Variants in PWWP3B observed in about 807,000 individuals in gnomAD.
PWWP3B encodes PWWP domain containing 3B.
In PWWP3B, 5 loss-of-function variants were observed where a neutral mutation model predicts 15.7. The ratio of observed to expected loss-of-function variants is 0.32; its 90% CI spans 0.17 to 0.67. PWWP3B has a LOEUF of 0.67. PWWP3B is among the 30% of genes least tolerant of loss of function. PWWP3B has a pLI of 0.74. For missense variants in PWWP3B, 519 were observed against 493.1 expected (o/e 1.05, Z -0.50); for synonymous variants, 203 against 179.8 (o/e 1.13, Z -1.03).
intron 2 of PWWP3B, among the ~76,000 whole-genome samples, chrX:106,190,406 G>A (rs1487462955): frequency 9.0e-6 from 1 of 111,403 alleles, no homozygotes; most frequent in Non-Finnish European, 1.9e-5. Context: ...TTTTTTTCTT[G>A]TAAATTTGTT....
At chrX:106,191,697 T>G (rs1458242326) in intron 2 of PWWP3B, among the ~76,000 whole-genome samples, 2 of 111,354 alleles carry the variant, frequency 1.8e-5, no homozygotes, top group African/African-American at 6.6e-5. Context: ...TAGCTCTTAT[T>G]ATTTTGAGAT....
intron 2 of PWWP3B, among the ~76,000 whole-genome samples, chrX:106,191,805 G>T (rs1170172238): frequency 9.0e-6 from 1 of 111,573 alleles, no homozygotes; most frequent in East Asian, 2.8e-4. Context: ...TAATCATGTG[G>T]TTTTTGTCTT....
intron 2 of PWWP3B, among the ~76,000 whole-genome samples, chrX:106,203,321 T>C (rs1236978690): frequency 1.8e-5 from 2 of 112,060 alleles, no homozygotes; most frequent in African/African-American, 6.5e-5. Context: ...GAAGACATTA[T>C]GATCTGGTTA....
rs762690006 is a variant in PWWP3B, at chrX:106,183,654, AC to A, written c.-401+12517del. Among the ~76,000 whole-genome samples the A allele has an allele frequency of 2.7e-5, 3 of 112,486 alleles. No individual in the cohort carries two copies. The South Asian group carries it at 1.1e-3, about 42-fold the overall frequency. On this transcript the variant is annotated intron_variant, in intron 2 of 3. Transcript: ENST00000357175. ...TTACAAATGAGGAGGTGGGAGAAAT[AC>A]CTGGTTACAGGCTGTCCCAGGATTC...
chrX:106,176,625 A>C (rs2147586872), intron 2 of PWWP3B, among the ~76,000 whole-genome samples: 1 of 112,559 alleles, frequency 8.9e-6, no homozygotes, highest in African/African-American at 3.2e-5. Flanking sequence ...TTTTGCGTTG[A>C]AAACAGTTTT....
intron 2 of PWWP3B, among the ~76,000 whole-genome samples, chrX:106,171,914 C>G (rs1296996862): frequency 1.8e-5 from 2 of 110,997 alleles, no homozygotes; most frequent in Non-Finnish European, 3.8e-5. Context: ...AAGACCTGCT[C>G]TGTGCCTATT....
chrX:106,179,038 T>C (rs1279911341), intron 2 of PWWP3B, among the ~76,000 whole-genome samples: 2 of 112,040 alleles, frequency 1.8e-5, no homozygotes, highest in Non-Finnish European at 3.8e-5. Flanking sequence ...TAGTAACAGT[T>C]CTGTTTCTCG....
At chrX:106,188,789 T>G (rs1922681405) in intron 2 of PWWP3B, among the ~76,000 whole-genome samples, 1 of 112,580 alleles carries the variant, frequency 8.9e-6, no homozygotes, top group Non-Finnish European at 1.9e-5. Context: ...ACTTCTGGCT[T>G]CTTTCACTTA....
At chrX:106,187,708 G>T (rs191979555) in intron 2 of PWWP3B, among the ~76,000 whole-genome samples, 1 of 111,613 alleles carries the variant, frequency 9.0e-6, no homozygotes, top group East Asian at 2.8e-4. Context: ...GTTGTTACTT[G>T]TCTGTGCTTC....
chrX:106,177,245 C>T (rs1264338200), intron 2 of PWWP3B: 1 of 112,597 alleles, frequency 8.9e-6, no homozygotes, highest in East Asian at 2.8e-4. Context: ...CTTGCTATTC[C>T]CATCACTGGG....
chrX:106,175,286 G>T (rs752615887), intron 2 of PWWP3B, among the ~76,000 whole-genome samples: 36 of 92,645 alleles, frequency 3.9e-4, no homozygotes, highest in African/African-American at 1.3e-3. Context: ...TGTCGCCCAG[G>T]CTGGAGTGCA....
At chrX:106,175,399 C>T (rs1393806325) in intron 2 of PWWP3B, among the ~76,000 whole-genome samples, 2 of 108,368 alleles carry the variant, frequency 1.8e-5, no homozygotes, top group South Asian at 8.5e-4. Flanking sequence ...AGCCACCGCC[C>T]CCTGCTGATT....
Position 106,205,539 on chromosome X carries a change from C to A in PWWP3B, c.107C>A (p.Ser36Tyr), listed in dbSNP as rs752616507. Residue 36 changes from serine to tyrosine, a missense_variant, in exon 4 of 4, where the codon TCT becomes TAT. Ser to Tyr is a moderately radical substitution (Grantham distance 144). Coordinates refer to ENST00000357175, the MANE Select transcript of PWWP3B (RefSeq NM_001171020.2). ...SSNSKRKKAF[S>Y]LEVQILSLDE... is the part of the protein sequence containing the mutation. ...AACAGTAAGAGGAAAAAGGCATTTT[C>A]TCTAGAAGTTCAAATACTCTCACTA... The A allele has an allele frequency of 8.3e-7, 1 of 1,204,559 alleles. No homozygotes were observed. Among genetic ancestry groups the A allele is most frequent in the Non-Finnish European group, 1.1e-6 (1 of 891,757 alleles).
At chrX:106,198,647 T>C (rs1367306536) in intron 2 of PWWP3B, among the ~76,000 whole-genome samples, 1 of 111,901 alleles carries the variant, frequency 8.9e-6, no homozygotes, top group Non-Finnish European at 1.9e-5. Context: ...AGTATTAGCA[T>C]TTGCTATTAT....
intron 2 of PWWP3B, among the ~76,000 whole-genome samples, chrX:106,194,352 A>G (rs1275659561): frequency 9.0e-6 from 1 of 111,413 alleles, no homozygotes; most frequent in Non-Finnish European, 1.9e-5. Flanking sequence ...AGGCTTCTGC[A>G]TTTGTCATGT....
At position 106,206,289 on chromosome X, in the gene PWWP3B, C is replaced by T. The variant is rs781758273; in HGVS notation, c.857C>T (p.Pro286Leu). The stretch of plus-strand genomic sequence containing the variant: ...AATATTGAGGATCCTGGAGAGGGTC[C>T]CTCAAATCCATGCTTAGATACCAGC... ...SENIEDPGEG[P>L]SNPCLDTSQN... Residue 286 changes from proline to leucine, a missense_variant, in exon 4 of 4, where the codon CCC becomes CTC. Pro to Leu is a moderately conservative substitution (Grantham distance 98, BLOSUM62 -3). Coordinates refer to ENST00000357175, the MANE Select transcript of PWWP3B (RefSeq NM_001171020.2). 4 of 1,205,913 alleles carry T rather than the reference C, an allele frequency of 3.3e-6. No homozygotes were observed. Among genetic ancestry groups the T allele is most frequent in the East Asian group, 5.9e-5 (2 of 33,720 alleles).
In PWWP3B at chrX:106,206,184, C is replaced by T. The variant is rs373158185; in HGVS notation, c.752C>T (p.Pro251Leu). 2.3e-5 allele frequency: 28 copies of T among 1,204,764 alleles called. No homozygotes were observed. In the African/African-American group the frequency reaches 4.0e-4, roughly 17 times the overall value. ...SPLSSDMLIM[P>L]KALKEESEDT... ...TTGTCATCAGATATGCTCATTATGC[C>T]CAAAGCTTTGAAAGAAGAGAGCGAG... Residue 251 changes from proline (P) to leucine (L), a missense_variant, in exon 4 of 4, where the codon CCC becomes CTC. Transcript: ENST00000357175.
At chrX:106,189,229 A>T (rs1447677837) in intron 2 of PWWP3B, among the ~76,000 whole-genome samples, 3 of 111,347 alleles carry the variant, frequency 2.7e-5, no homozygotes, top group African/African-American at 6.5e-5. Context: ...ACCTTTTTTT[A>T]AAATTTTATT....
chrX:106,178,577 CT>C (rs991994159), intron 2 of PWWP3B, among the ~76,000 whole-genome samples: 1 of 111,623 alleles, frequency 9.0e-6, no homozygotes, highest in Non-Finnish European at 1.9e-5. Flanking sequence ...CATATTTAGC[CT>C]TTTTTTAAAA....
Sources: gnomAD v4.1 joint callset for allele counts (sites outside exome capture counted in the v4.1 genomes callset) on GRCh38, gnomAD v4.1.1 for gene constraint, MANE v1.5 for transcripts, NCBI Gene and HGNC (gene_info 2026-07-23, HGNC 2026-07-21) for gene names.